The following MOB3A variants were observed in gnomAD, a reference collection of about 807,000 sequenced individuals.
The protein encoded by MOB3A is MOB kinase activator 3A, also known as MOB LAK.
MOB3A carries 17 observed loss-of-function variants against 17.8 expected under a neutral mutation model. That is an observed-to-expected ratio of 0.95 (90% CI 0.65 to 1.43). The LOEUF is 1.43. MOB3A is among the 40% of genes most tolerant of loss of function. The pLI is 0.00. For missense variants in MOB3A, 333 were observed against 310.8 expected (o/e 1.07, Z -0.54); for synonymous variants, 124 against 133.2 (o/e 0.93, Z 0.48).
chr19:2,086,453 T>C (rs1599409932), intron 1 of MOB3A, among the ~76,000 whole-genome samples: 2 of 150,822 alleles, frequency 1.3e-5, no homozygotes, highest in South Asian at 2.1e-4. Flanking sequence ...CTCTGCCTCC[T>C]GGGTTCAAGC....
At position 2,078,609 on chromosome 19, in the gene MOB3A, G is replaced by T. The variant is rs747416951; in HGVS notation, c.-49C>A. ...ACTTCTGTAGAGGGGTCCTGGGCCAGCTGGCTGGGGGTGCTGACCAACCCG... is the reference window on the plus strand; with the variant it reads ...ACTTCTGTAGAGGGGTCCTGGGCCATCTGGCTGGGGGTGCTGACCAACCCG... On this transcript the variant is annotated 5_prime_UTR_variant, in exon 3 of 5. The change creates a new upstream start codon in the 5' untranslated region. Transcript: ENST00000357066. 12 of 1,514,952 alleles carry T rather than the reference G, an allele frequency of 7.9e-6. No homozygotes were observed. The highest frequency in any genetic ancestry group is 8.8e-6 in the Non-Finnish European group (10 of 1,131,218). 93.8% of individuals were successfully genotyped at this position (1,514,952 alleles called of 1,614,324 possible). A position where few individuals can be genotyped will look rare whatever the true frequency, so the allele number is the denominator to read the frequency against.
At chr19:2,083,894 A>G (rs2017520318) in intron 2 of MOB3A, among the ~76,000 whole-genome samples, 1 of 152,070 alleles carries the variant, frequency 6.6e-6, no homozygotes, top group Non-Finnish European at 1.5e-5. Flanking sequence ...ACCTGGGCTG[A>G]GCCTCAGGGA....
At chr19:2,081,251 G>C (rs939291914) in intron 2 of MOB3A, among the ~76,000 whole-genome samples, 4 of 152,164 alleles carry the variant, frequency 2.6e-5, no homozygotes, top group Non-Finnish European at 5.9e-5. Flanking sequence ...TGTTCACAGG[G>C]CCTGGGGGTC....
intron 1 of MOB3A, among the ~76,000 whole-genome samples, chr19:2,092,753 C>CA (rs745800527): frequency 0.44 from 20,171 of 46,346 alleles, 3,702 homozygotes; most frequent in African/African-American, 0.6. Context: ...AACTCCATCT[C>CA]AAAAAAAAAA....
At chr19:2,075,036 T>TC (rs1347187813) in intron 4 of MOB3A, among the ~76,000 whole-genome samples, 2 of 150,750 alleles carry the variant, frequency 1.3e-5, no homozygotes, top group African/African-American at 2.4e-5. Flanking sequence ...TCTTTTCTTT[T>TC]TTTTTTTTTT....
intron 1 of MOB3A, among the ~76,000 whole-genome samples, chr19:2,088,139 G>A (rs982524009): frequency 2.6e-5 from 4 of 152,192 alleles, no homozygotes; most frequent in Non-Finnish European, 4.4e-5. Flanking sequence ...ATAACTGGAG[G>A]ATGCTCCTGG....
At chr19:2,081,562 TG>T (rs1187327065) in intron 2 of MOB3A, among the ~76,000 whole-genome samples, 2 of 148,584 alleles carry the variant, frequency 1.3e-5, no homozygotes, top group African/African-American at 2.5e-5. Flanking sequence ...CACTCCAGCC[TG>T]GGCGACAGAG....
At chr19:2,083,260 G>A (rs921960957) in intron 2 of MOB3A, among the ~76,000 whole-genome samples, 16 of 152,190 alleles carry the variant, frequency 1.1e-4, no homozygotes, top group Admixed American at 5.2e-4. Flanking sequence ...CCCCGGGGCC[G>A]GGGAGCCCGG....
In MOB3A at chr19:2,094,931, G is replaced by A. The variant is rs546616330; in HGVS notation, c.-274+1295C>T. ...CACGCCTGTAATCCCAGCACTTTGG[G>A]AGGCCGAGGCGGGCGGATCACCTGA... On this transcript the variant is annotated intron_variant, in intron 1 of 4. Coordinates refer to ENST00000357066, the MANE Select transcript of MOB3A (RefSeq NM_130807.3). Among the ~76,000 whole-genome samples, 40 of 152,390 alleles carry A rather than the reference G, an allele frequency of 2.6e-4. 1 individual carries two copies. The East Asian group carries it at 6.7e-3, about 26-fold the overall frequency.
chr19:2,093,394 C>A lies in MOB3A; in HGVS notation c.-274+2832G>T, dbSNP rs1267810444. ...CATTTAGAAGGTCAAATGGCTTAAGCTGAAAAGGCAAATCCGACTTCAGAA... is the reference window on the plus strand; with the variant it reads ...CATTTAGAAGGTCAAATGGCTTAAGATGAAAAGGCAAATCCGACTTCAGAA... On this transcript the variant is annotated intron_variant, in intron 1 of 4. Coordinates refer to ENST00000357066, the MANE Select transcript of MOB3A (RefSeq NM_130807.3). This position sits in a 1 kb window ranked among gnomAD's most constrained non-coding sequence, Gnocchi z 4.6. Among the ~76,000 whole-genome samples, 6 of 152,154 alleles carry A rather than the reference C, an allele frequency of 3.9e-5. No individual in the cohort carries two copies. Among genetic ancestry groups the A allele is most frequent in the Admixed American group, 2.6e-4 (4 of 15,266 alleles).
Position 2,094,063 on chromosome 19 carries a change from T to C in MOB3A, c.-274+2163A>G, listed in dbSNP as rs2017642272. 3.4e-5 allele frequency among the ~76,000 whole-genome samples: 5 copies of C among 148,980 alleles called. No homozygotes were observed. The South Asian group carries it at 6.5e-4, about 19-fold the overall frequency. On this transcript the variant is annotated intron_variant, in intron 1 of 4. Coordinates refer to ENST00000357066, the MANE Select transcript of MOB3A (RefSeq NM_130807.3). ...GTTCTTTTTTTTTTTTTTTTTTTTT[T>C]TGAGACAGAGTCTCACTCTGTCGCC...
intron 1 of MOB3A, among the ~76,000 whole-genome samples, chr19:2,087,917 G>A (rs567068592): frequency 6.6e-6 from 1 of 152,314 alleles, no homozygotes; most frequent in East Asian, 1.9e-4. Flanking sequence ...CGCCTTCTTG[G>A]CCTCCTGGAT....
chr19:2,078,770 G>GT (rs2017450915), intron 2 of MOB3A, 91 bp from the exon 3 acceptor site: 5 of 550,422 alleles, frequency 9.1e-6, no homozygotes, highest in East Asian at 6.1e-5. Flanking sequence ...ATTTTGTTTT[G>GT]TTTTTTGAGA....
At chr19:2,080,558 A>G (rs375961679) in intron 2 of MOB3A, among the ~76,000 whole-genome samples, 38 of 152,112 alleles carry the variant, frequency 2.5e-4, no homozygotes, top group African/African-American at 8.2e-4. Flanking sequence ...TTGTATTTTT[A>G]GTAGAGACGG....
chr19:2,073,097 G>A lies in MOB3A; in HGVS notation c.*298C>T. The A allele has an allele frequency of 2.0e-6, 1 of 494,740 alleles. No individual in the cohort carries two copies. 30.6% of individuals were successfully genotyped at this position (494,740 alleles called of 1,614,324 possible). A position where few individuals can be genotyped will look rare whatever the true frequency, so the allele number is the denominator to read the frequency against. On this transcript the variant is annotated 3_prime_UTR_variant, in exon 5 of 5. Transcript: ENST00000357066. ...AAGGAGTGACCCTGGAAGCCATCCA[G>A]CCTCCTGGAAAGTGGAAGTGGTTTA...
At chr19:2,089,731 GTTTA>G (rs1337993341) in intron 1 of MOB3A, among the ~76,000 whole-genome samples, 1 of 152,138 alleles carries the variant, frequency 6.6e-6, no homozygotes, top group Non-Finnish European at 1.5e-5. Context: ...CATATTGGGA[GTTTA>G]TTCTGGTGTC....
rs539456054 is a variant in MOB3A at position 2,079,231 on chromosome 19, C to A, written c.-119-552G>T. Among the ~76,000 whole-genome samples, 4 of 152,396 alleles carry A rather than the reference C, an allele frequency of 2.6e-5. No individual in the cohort carries two copies. The East Asian group carries it at 7.7e-4, about 29-fold the overall frequency. On this transcript the variant is annotated intron_variant, in intron 2 of 4. Coordinates refer to ENST00000357066, the MANE Select transcript of MOB3A (RefSeq NM_130807.3). ...GGCCGCATCTTCCCCGGTGCCGATG[C>A]CTGGCCCGGACCTAGACTTGCTGCT...
chr19:2,088,479 CTTTTTT>C (rs1193919392), intron 1 of MOB3A, among the ~76,000 whole-genome samples: 2 of 151,486 alleles, frequency 1.3e-5, no homozygotes, highest in Non-Finnish European at 1.5e-5. Context: ...TATTTTTTTT[CTTTTTT>C]GAGATGGGGT....
chr19:2,086,104 G>C (rs994609381), intron 1 of MOB3A, among the ~76,000 whole-genome samples: 2 of 150,700 alleles, frequency 1.3e-5, no homozygotes, highest in African/African-American at 2.4e-5. Context: ...GCAGTGGTAC[G>C]ATCTCAGCTC....
Sources: gnomAD v4.1 joint callset for allele counts (sites outside exome capture counted in the v4.1 genomes callset) on GRCh38, gnomAD v4.1.1 for gene constraint, Gnocchi (gnomAD v3.1) non-coding constraint, MANE v1.5 for transcripts, NCBI Gene and HGNC (gene_info 2026-07-23, HGNC 2026-07-21) for gene names.